The following PDE1A variants were observed in gnomAD, a reference collection of about 807,000 sequenced individuals.
PDE1A encodes the protein phosphodiesterase 1A.
In PDE1A, 35 loss-of-function variants were observed where a neutral mutation model predicts 61.7. The ratio of observed to expected loss-of-function variants is 0.57; its 90% CI spans 0.43 to 0.75. PDE1A has a LOEUF of 0.75. Ranked by LOEUF, PDE1A falls within the 30% of genes least tolerant of loss-of-function variation. PDE1A has a pLI of 0.00. For missense variants in PDE1A, 597 were observed against 630.6 expected, an observed-to-expected ratio of 0.95 and a Z score of 0.57; for synonymous variants, 232 against 213.2, an observed-to-expected ratio of 1.09 and a Z score of -0.77.
chr2:182,469,947 T>C lies in PDE1A; in HGVS notation c.101+52329A>G, dbSNP rs369890876. Reference sequence around the variant, plus strand: ...ATTTAAGTTCTCTGTCTTATTTACATGTGGTTGGTGCCCCACAACAATTGC... The same window carrying C: ...ATTTAAGTTCTCTGTCTTATTTACACGTGGTTGGTGCCCCACAACAATTGC... On this transcript the variant is annotated intron_variant, in intron 2 of 14. Coordinates refer to the PDE1A transcript ENST00000410103. Among the ~76,000 whole-genome samples the C allele has an allele frequency of 8.6e-5, 13 of 151,980 alleles. No individual in the cohort carries two copies. The East Asian group carries it at 2.3e-3, about 27-fold the overall frequency.
intron 1 of PDE1A, among the ~76,000 whole-genome samples, chr2:182,330,388 C>A (rs1376304779): frequency 5.3e-5 from 8 of 151,884 alleles, no homozygotes; most frequent in Admixed American, 5.2e-4. Flanking sequence ...GGTTACAGCA[C>A]TGAATAATTT....
the PDE1A span, among the ~76,000 whole-genome samples, chr2:182,595,853 C>G: frequency 6.6e-6 from 1 of 152,154 alleles, no homozygotes; most frequent in African/African-American, 2.4e-5. Context: ...GAGGAGATGA[C>G]TATAACATTG....
At chr2:182,589,979 A>G in the PDE1A span, among the ~76,000 whole-genome samples, 3 of 152,330 alleles carry the variant, frequency 2.0e-5, no homozygotes, top group South Asian at 6.2e-4. Context: ...TGAAATTTCT[A>G]CAACTAAAAC....
intron 2 of PDE1A, among the ~76,000 whole-genome samples, chr2:182,242,899 C>CCT (rs71340034): frequency 0.011 from 1,163 of 103,734 alleles, 8 homozygotes; most frequent in African/African-American, 0.013. Flanking sequence ...TCTCTCTCTC[C>CCT]CTCTCTCTCT....
At chr2:182,175,207 G>C (rs551152582) in intron 13 of PDE1A, among the ~76,000 whole-genome samples, 1 of 152,110 alleles carries the variant, frequency 6.6e-6, no homozygotes, top group African/African-American at 2.4e-5. Context: ...ATAAACATAC[G>C]TGTGTATGTA....
the PDE1A span, among the ~76,000 whole-genome samples, chr2:182,643,352 G>A: frequency 5.6e-4 from 85 of 152,286 alleles, no homozygotes; most frequent in East Asian, 1.7e-3. Context: ...CAGGTCTGCC[G>A]CCTAGGTCTC....
chr2:182,153,333 T>A (rs1690893685), intron 13 of PDE1A, among the ~76,000 whole-genome samples: 1 of 152,056 alleles, frequency 6.6e-6, no homozygotes, highest in Admixed American at 6.6e-5. Flanking sequence ...ATGCTGTTAG[T>A]GAAGGGATGA....
At chr2:182,222,906 C>G (rs1688846137) in intron 7 of PDE1A, among the ~76,000 whole-genome samples, 1 of 151,950 alleles carries the variant, frequency 6.6e-6, no homozygotes, top group Non-Finnish European at 1.5e-5. Context: ...GGGGCCTAGA[C>G]CAAATCCTGC....
chr2:182,472,285 A>T (rs745492041), intron 2 of PDE1A, among the ~76,000 whole-genome samples: 1 of 151,972 alleles, frequency 6.6e-6, no homozygotes, highest in Non-Finnish European at 1.5e-5. Context: ...ACTATTCACA[A>T]AAGCAAAATA....
At chr2:182,433,743 G>T (rs1010605633) in intron 2 of PDE1A, among the ~76,000 whole-genome samples, 1 of 151,978 alleles carries the variant, frequency 6.6e-6, no homozygotes, top group East Asian at 1.9e-4. Context: ...TCCACATTCT[G>T]CCTGATCCGG....
chr2:182,394,142 AT>A (rs1422515800), intron 1 of PDE1A, among the ~76,000 whole-genome samples: 1 of 152,184 alleles, frequency 6.6e-6, no homozygotes, highest in Non-Finnish European at 1.5e-5. Context: ...GTATCAGTCC[AT>A]TCTCACGCTG....
At chr2:182,385,250 G>C (rs1700960892) in intron 1 of PDE1A, among the ~76,000 whole-genome samples, 1 of 152,126 alleles carries the variant, frequency 6.6e-6, no homozygotes, top group African/African-American at 2.4e-5. Context: ...TAGTCACACA[G>C]ACAAATTCAT....
intron 1 of PDE1A, among the ~76,000 whole-genome samples, chr2:182,283,851 C>A (rs1693984581): frequency 6.6e-6 from 1 of 152,108 alleles, no homozygotes; most frequent in African/African-American, 2.4e-5. Flanking sequence ...TGAAAAGCGT[C>A]ATGGCTTGTA....
intron 1 of PDE1A, among the ~76,000 whole-genome samples, chr2:182,322,348 T>A (rs1006672246): frequency 1.3e-5 from 2 of 152,156 alleles, no homozygotes; most frequent in African/African-American, 4.8e-5. Context: ...CCACGTGTTG[T>A]GGGAGGGACC....
chr2:182,683,631 C>T, the PDE1A span, among the ~76,000 whole-genome samples: 1 of 152,002 alleles, frequency 6.6e-6, no homozygotes, highest in African/African-American at 2.4e-5. Flanking sequence ...TTGACTATAT[C>T]AAAAACTGTT....
chr2:182,299,789 G>T (rs1695119207), intron 1 of PDE1A, among the ~76,000 whole-genome samples: 1 of 152,098 alleles, frequency 6.6e-6, no homozygotes. Context: ...ATAACAATGT[G>T]TTCTTGATTA....
chr2:182,393,217 A>G (rs1701518516), intron 1 of PDE1A, among the ~76,000 whole-genome samples: 1 of 152,208 alleles, frequency 6.6e-6, no homozygotes, highest in South Asian at 2.1e-4. Context: ...ACTTCTGTGC[A>G]GCCACACGCC....
intron 5 of PDE1A, 151 bp downstream of exon 5, chr2:182,230,864 T>C: frequency 1.7e-6 from 1 of 582,080 alleles, no homozygotes; most frequent in Non-Finnish European, 3.1e-6. Flanking sequence ...AGAATGGTTC[T>C]ATCATATAAA....
chr2:182,177,846 A>C (rs1289087311), intron 13 of PDE1A, among the ~76,000 whole-genome samples: 1 of 152,184 alleles, frequency 6.6e-6, no homozygotes, highest in African/African-American at 2.4e-5. Context: ...AATTTGTGTC[A>C]CATGATTCAG....
Sources: allele counts gnomAD v4.1 joint callset (sites outside exome capture counted in the v4.1 genomes callset), GRCh38; gene constraint gnomAD v4.1.1; transcripts MANE v1.5; gene names NCBI Gene and HGNC (gene_info 2026-07-23, HGNC 2026-07-21).